Variants in SPATA13 observed in about 807,000 individuals in gnomAD.
SPATA13 encodes the protein spermatogenesis associated 13, also known as spermatogenesis-associated protein 13.
Under a neutral mutation model 104.0 loss-of-function variants are expected in SPATA13, and 50 were observed. The observed-to-expected ratio is 0.48, with a 90% CI of 0.38 to 0.61. The LOEUF (loss-of-function observed/expected upper bound fraction) is 0.61, where lower values mean the gene tolerates loss of function less well. Among genes scored for constraint, SPATA13 ranks in the 20% least tolerant of loss-of-function variants. The probability of loss-of-function intolerance (pLI) is 0.00; values close to 1 mark genes in which losing one functional copy is unlikely to be tolerated. For synonymous variants in SPATA13, 606 were observed against 667.5 expected (o/e 0.91, Z 1.42); for missense variants, 1,524 against 1,690.6 (o/e 0.90, Z 1.73).
chr13:24,108,573 A>T lies in SPATA13; in HGVS notation c.-112+90872A>T, dbSNP rs575936183. Among the ~76,000 whole-genome samples, 20 of 152,194 alleles carry T rather than the reference A, an allele frequency of 1.3e-4. No individual in the cohort carries two copies. In the South Asian group the frequency reaches 3.9e-3, roughly 30 times the overall value. ...CAGGACACTCACCCTTGCAGCCAGG[A>T]TTCTCCTGAGGCAGTTTATTTAATT... On this transcript the variant is annotated intron_variant, in intron 3 of 14. Coordinates refer to the SPATA13 transcript ENST00000424834.
At chr13:24,118,101 A>C (rs2137821069) in intron 3 of SPATA13, among the ~76,000 whole-genome samples, 1 of 152,322 alleles carries the variant, frequency 6.6e-6, no homozygotes, top group East Asian at 1.9e-4. Flanking sequence ...ACAGAAAACC[A>C]CAAGCCCCAA....
intron 3 of SPATA13, chr13:24,122,195 G>T: frequency 9.4e-6 from 14 of 1,487,422 alleles, no homozygotes; most frequent in South Asian, 2.3e-5. Flanking sequence ...AGCCAGCATT[G>T]CTATATACTG....
At chr13:24,013,045 A>G (rs1280324439) in intron 2 of SPATA13, among the ~76,000 whole-genome samples, 1 of 151,928 alleles carries the variant, frequency 6.6e-6, no homozygotes, top group Non-Finnish European at 1.5e-5. Context: ...GCCCATTGTC[A>G]CCCCTTTGCT....
chr13:24,151,240 C>T (rs1342640873), intron 3 of SPATA13, among the ~76,000 whole-genome samples: 1 of 152,194 alleles, frequency 6.6e-6, no homozygotes, highest in Non-Finnish European at 1.5e-5. Flanking sequence ...CTTCAGCATT[C>T]AGGTTACATC....
chr13:24,001,898 G>A lies in SPATA13; in HGVS notation c.-146-15769G>A, dbSNP rs544126630. Among the ~76,000 whole-genome samples, 180 of 152,052 alleles carry A rather than the reference G, an allele frequency of 1.2e-3. 3 individuals carry two copies. Among genetic ancestry groups the A allele is most frequent in the African/African-American group, 3.9e-3 (163 of 41,468 alleles). ...TGATTTCAGAAGATGAGGCTGGAGT[G>A]TGGCTGTGGGAAGGATGGTGAGATA... is the stretch of plus-strand genomic sequence containing the variant. On this transcript the variant is annotated intron_variant, in intron 2 of 14. Coordinates refer to the SPATA13 transcript ENST00000424834.
At chr13:24,142,011 C>T (rs1255808711) in intron 3 of SPATA13, among the ~76,000 whole-genome samples, 1 of 152,046 alleles carries the variant, frequency 6.6e-6, no homozygotes, top group Non-Finnish European at 1.5e-5. Context: ...TCTACTTTTT[C>T]CTTTTTTCCA....
At chr13:24,204,284 T>A (rs8002266) in intron 1 of SPATA13, among the ~76,000 whole-genome samples, 1 of 151,960 alleles carries the variant, frequency 6.6e-6, no homozygotes, top group Non-Finnish European at 1.5e-5. Context: ...ATGAAAAATC[T>A]GAAGAAACAC....
intron 1 of SPATA13, among the ~76,000 whole-genome samples, chr13:24,176,056 G>A (rs563212466): frequency 2.4e-4 from 37 of 152,264 alleles, no homozygotes; most frequent in Non-Finnish European, 5.0e-4. Context: ...ACTGGAGCAG[G>A]CGTGGGGGAT....
chr13:24,204,080 G>T (rs1386034361), intron 1 of SPATA13, among the ~76,000 whole-genome samples: 1 of 152,114 alleles, frequency 6.6e-6, no homozygotes, highest in African/African-American at 2.4e-5. Context: ...AGCCACAGGG[G>T]GAGTGTGGCT....
chr13:24,125,400 G>T (rs1369458774), intron 3 of SPATA13, among the ~76,000 whole-genome samples: 3 of 152,070 alleles, frequency 2.0e-5, no homozygotes, highest in Admixed American at 6.5e-5. Flanking sequence ...TAGGCAAGAG[G>T]CAAAGCAAAG....
rs1422511755 is a variant in SPATA13 at position 24,024,785 on chromosome 13, C to CA, written c.-112+7085dup. ...TTCAGCTATATTTGCCTGCCGGGTG[C>CA]AGTGGCACATGCCTGTGGCCCCAGT... On this transcript the variant is annotated intron_variant, in intron 3 of 14. Transcript: ENST00000424834. Among the ~76,000 whole-genome samples, 3 of 150,834 alleles carry CA rather than the reference C, an allele frequency of 2.0e-5. No homozygotes were observed. The East Asian group carries it at 5.9e-4, about 29-fold the overall frequency.
At chr13:24,146,850 A>T (rs186938233) in intron 3 of SPATA13, among the ~76,000 whole-genome samples, 30 of 152,132 alleles carry the variant, frequency 2.0e-4, no homozygotes, top group African/African-American at 7.0e-4. Flanking sequence ...TTACCACCGC[A>T]TCCGTCCCCG....
At chr13:24,024,394 G>A (rs114577951) in intron 3 of SPATA13, among the ~76,000 whole-genome samples, 33 of 152,304 alleles carry the variant, frequency 2.2e-4, no homozygotes, top group African/African-American at 7.9e-4. Flanking sequence ...TAGATGGAAT[G>A]AAGGAATGAT....
At chr13:24,221,960 A>C (rs979269759) in intron 1 of SPATA13, among the ~76,000 whole-genome samples, 2 of 151,990 alleles carry the variant, frequency 1.3e-5, no homozygotes, top group African/African-American at 4.8e-5. Flanking sequence ...TTATAGGTGC[A>C]CATCACCACG....
At chr13:23,993,476 A>C (rs1875511723) in intron 2 of SPATA13, among the ~76,000 whole-genome samples, 1 of 152,218 alleles carries the variant, frequency 6.6e-6, no homozygotes, top group African/African-American at 2.4e-5. Flanking sequence ...TTCTCTGCAA[A>C]TAAGAGAAAG....
intron 3 of SPATA13, chr13:24,017,811 A>G: frequency 3.7e-6 from 2 of 536,116 alleles, no homozygotes; most frequent in Non-Finnish European, 4.8e-6. Context: ...CGTAATCCAT[A>G]TGTTACCTCT....
At chr13:24,218,597 T>C (rs980658098) in intron 1 of SPATA13, among the ~76,000 whole-genome samples, 2 of 152,170 alleles carry the variant, frequency 1.3e-5, no homozygotes, top group Non-Finnish European at 2.9e-5. Context: ...CACTTTGTTA[T>C]CATGTAAATC....
intron 3 of SPATA13, among the ~76,000 whole-genome samples, chr13:24,118,098 A>T (rs1880910536): frequency 6.6e-6 from 1 of 152,168 alleles, no homozygotes; most frequent in Non-Finnish European, 1.5e-5. Context: ...AAAACAGAAA[A>T]CCACAAGCCC....
intron 3 of SPATA13, among the ~76,000 whole-genome samples, chr13:24,082,452 G>A (rs367645501): frequency 1.3e-5 from 2 of 152,186 alleles, no homozygotes; most frequent in East Asian, 1.9e-4. Context: ...GTTGCTCTTT[G>A]GAGAGTTTTG....
Sources: allele counts gnomAD v4.1 joint callset (sites outside exome capture counted in the v4.1 genomes callset), GRCh38; gene constraint gnomAD v4.1.1; transcripts MANE v1.5; gene names NCBI Gene and HGNC (gene_info 2026-07-23, HGNC 2026-07-21).